Variants in COL5A1 observed in about 807,000 individuals in gnomAD.
COL5A1 encodes collagen alpha-1(V) chain.
A neutral mutation model predicts 263.7 loss-of-function variants in COL5A1; 16 were observed. That is an observed-to-expected ratio of 0.06 (90% CI 0.04 to 0.09). The LOEUF (loss-of-function observed/expected upper bound fraction) is 0.09. Among genes scored for constraint, COL5A1 ranks in the 10% least tolerant of loss-of-function variants. COL5A1 has a pLI of 1.00. For synonymous variants in COL5A1, 1,012 were observed against 1,004.5 expected (o/e 1.01, Z -0.14); for missense variants, 2,036 against 2,540.5 (o/e 0.80, Z 4.27).
intron 2 of COL5A1, 39 bp downstream of exon 2, chr9:134,691,118 G>A (rs373765707): frequency 2.2e-5 from 35 of 1,609,978 alleles, no homozygotes; most frequent in South Asian, 9.9e-5. Context: ...GGTGGGTCCC[G>A]TTGGCCCTCT....
intron 1 of COL5A1, among the ~76,000 whole-genome samples, chr9:134,668,954 C>CCATCCATCCAT (rs1554776453): frequency 9.1e-6 from 1 of 110,396 alleles, no homozygotes; most frequent in Non-Finnish European, 1.8e-5. Flanking sequence ...CACCCACCCA[C>CCATCCATCCAT]CCATCCATCC....
chr9:134,661,140 C>T (rs897631252), intron 1 of COL5A1, among the ~76,000 whole-genome samples: 1 of 150,878 alleles, frequency 6.6e-6, no homozygotes, highest in Non-Finnish European at 1.5e-5. Context: ...GGAGAGGAAG[C>T]CGAGAGTTGC....
At chr9:134,744,611 GCACA>G (rs994514901) in intron 11 of COL5A1, among the ~76,000 whole-genome samples, 25 of 142,064 alleles carry the variant, frequency 1.8e-4, no homozygotes, top group African/African-American at 6.7e-4. Context: ...ACCCACACCT[GCACA>G]CACACTCATG....
rs1019279751 is a variant in COL5A1 at position 134,716,022 on chromosome 9, T to C, written c.655-11244T>C. Among the ~76,000 whole-genome samples the C allele has an allele frequency of 1.3e-5, 2 of 151,660 alleles. No homozygotes were observed. Among genetic ancestry groups the C allele is most frequent in the Non-Finnish European group, 2.9e-5 (2 of 67,902 alleles). Reference sequence around the variant, plus strand: ...GGTGGTGGTGATGATGTTAGTAGTGTGTTGGTTCTATGGTTTTGGTGCTGG... The same window carrying C: ...GGTGGTGGTGATGATGTTAGTAGTGCGTTGGTTCTATGGTTTTGGTGCTGG... On this transcript the variant is annotated intron_variant, in intron 4 of 65. Transcript: ENST00000371817. The surrounding 1 kb of genome is among the most constrained non-coding windows in gnomAD (Gnocchi z 4.5).
At position 134,695,839 on chromosome 9, in the gene COL5A1, T is replaced by G. The variant is rs1156958774; in HGVS notation, c.278-4070T>G. Among the ~76,000 whole-genome samples the G allele has an allele frequency of 2.0e-5, 3 of 152,298 alleles. No homozygotes were observed. In the East Asian group the frequency reaches 5.8e-4, roughly 29 times the overall value. On this transcript the variant is annotated intron_variant, in intron 2 of 65. Transcript: ENST00000371817. ...GAAGGTTCCAGAACCAAGTTATCCC[T>G]GCAGGGGCTGCCAGATGGCAGCTTC... is the stretch of plus-strand genomic sequence containing the variant.
rs574639097 is a variant in COL5A1, at chr9:134,842,411, C to T, written c.*108C>T. On this transcript the variant is annotated 3_prime_UTR_variant, in exon 66 of 66. Coordinates refer to ENST00000371817, the MANE Select transcript of COL5A1 (RefSeq NM_000093.5). This position sits in a 1 kb window ranked among gnomAD's most constrained non-coding sequence, Gnocchi z 5.8. ...CCCTGGACAGTGAAGGCTTCTCCCT[C>T]CCCTCCCACCTGACTTCATCTACGC... 1.1e-5 allele frequency: 15 copies of T among 1,343,542 alleles called. No homozygotes were observed. In the East Asian group the frequency reaches 2.5e-4, roughly 22 times the overall value. 83.2% of individuals were successfully genotyped at this position (1,343,542 alleles called of 1,614,324 possible). A position where few individuals can be genotyped will look rare whatever the true frequency, so the allele number is the denominator to read the frequency against.
intron 4 of COL5A1, among the ~76,000 whole-genome samples, chr9:134,710,083 C>T (rs1044266508): frequency 6.6e-6 from 1 of 152,244 alleles, no homozygotes; most frequent in Non-Finnish European, 1.5e-5. Context: ...AGTCAAGCCC[C>T]AGCCCTCCGC....
rs1029437829 is a variant in COL5A1, at chr9:134,798,605, G to A, written c.2952+144G>A. 4.5e-5 allele frequency: 10 copies of A among 222,362 alleles called. No individual in the cohort carries two copies. The African/African-American group carries it at 4.6e-4, about 10-fold the overall frequency. 13.8% of individuals were successfully genotyped at this position (222,362 alleles called of 1,614,324 possible). On this transcript the variant is annotated intron_variant, in intron 37 of 65. Transcript: ENST00000371817. ...GGCCTCAGAAAGGCTCCCAAGGGCC[G>A]GGCCGGCTTCCGCTGACTCAGAGCC...
rs1382944823 is a variant in COL5A1 at position 134,701,308 on chromosome 9, G to A, written c.629G>A (p.Arg210Gln). 1.5e-5 allele frequency: 24 copies of A among 1,613,860 alleles called. No individual in the cohort carries two copies. The highest frequency in any genetic ancestry group is 1.9e-5 in the Non-Finnish European group (23 of 1,179,988). ...AATGGCATCATCGTGTTTGGCACCC[G>A]GATCCTGGATGAGGAGGTGTTTGAG... ...DINGIIVFGT[R>Q]ILDEEVFEGD... Residue 210 changes from arginine to glutamine, a missense_variant, in exon 4 of 66, where the codon CGG becomes CAG. By Grantham distance (43) the Arg-to-Gln change is conservative. This residue lies in a region of COL5A1 where 600 missense variants were observed against 634.5 expected (regional missense o/e 0.95). Transcript: ENST00000371817.
At chr9:134,778,219 A>G (rs1047106682) in intron 27 of COL5A1, among the ~76,000 whole-genome samples, 3 of 152,158 alleles carry the variant, frequency 2.0e-5, no homozygotes, top group Non-Finnish European at 4.4e-5. Flanking sequence ...CTTTGGAAGA[A>G]GGCATCTGCT....
rs946520353 is a variant in COL5A1 at position 134,800,628 on chromosome 9, C to T, written c.2953-1326C>T. Among the ~76,000 whole-genome samples the T allele has an allele frequency of 3.9e-5, 6 of 152,060 alleles. No homozygotes were observed. In the South Asian group the frequency reaches 1.2e-3, roughly 32 times the overall value. On this transcript the variant is annotated intron_variant, in intron 37 of 65. Transcript: ENST00000371817. ...GGCATGGTGGCAGGCACCTGTAATC[C>T]CAGCTACTCAGGAGGCTGAGGCAGG...
chr9:134,749,419 A>G lies in COL5A1; in HGVS notation c.1495-1123A>G, dbSNP rs183871421. On this transcript the variant is annotated intron_variant, in intron 11 of 65. Transcript: ENST00000371817. Reference sequence around the variant, plus strand: ...ACTGTATAAATGTGTACCTTAAGCCATTTCACAAGAAATGGAGTTACTTCT... The same window carrying G: ...ACTGTATAAATGTGTACCTTAAGCCGTTTCACAAGAAATGGAGTTACTTCT... 1.7e-3 allele frequency among the ~76,000 whole-genome samples: 262 copies of G among 152,352 alleles called. 2 individuals carry two copies. Among genetic ancestry groups the G allele is most frequent in the Admixed American group, 0.015 (227 of 15,302 alleles).
At chr9:134,744,752 C>T (rs1053936035) in intron 11 of COL5A1, among the ~76,000 whole-genome samples, 8 of 152,224 alleles carry the variant, frequency 5.3e-5, no homozygotes, top group South Asian at 2.1e-4. Context: ...CCTGCACACA[C>T]ATTCATGCAC....
intron 9 of COL5A1, 61 bp from the exon 10 acceptor site, chr9:134,738,413 G>C: frequency 1.3e-6 from 2 of 1,587,752 alleles, no homozygotes; most frequent in Non-Finnish European, 1.7e-6. Context: ...CACACCACTG[G>C]GGTCTGGGGT....
At chr9:134,756,920 T>C (rs1835996959) in intron 17 of COL5A1, 102 bp downstream of exon 17, 1 of 1,146,738 alleles carries the variant, frequency 8.7e-7, no homozygotes. Flanking sequence ...ACTACGATTA[T>C]GATGACAGGT....
chr9:134,731,813 C>A, intron 8 of COL5A1, 150 bp downstream of exon 8: 1 of 942,430 alleles, frequency 1.1e-6, no homozygotes, highest in Non-Finnish European at 1.6e-6. Flanking sequence ...TTAAAGAGAC[C>A]TCGGTGCCTC....
intron 7 of COL5A1, 120 bp from the exon 8 acceptor site, chr9:134,731,376 G>A: frequency 1.9e-6 from 2 of 1,039,624 alleles, no homozygotes; most frequent in Non-Finnish European, 2.9e-6. Flanking sequence ...CACAGGGCCT[G>A]ATGGATCTGG....
chr9:134,708,174 C>T (rs940235410), intron 4 of COL5A1, among the ~76,000 whole-genome samples: 3 of 152,310 alleles, frequency 2.0e-5, no homozygotes, highest in South Asian at 2.1e-4. Flanking sequence ...ACTCTGACTT[C>T]GGACATGAGA....
intron 59 of COL5A1, 34 bp downstream of exon 59, chr9:134,822,184 G>A (rs762654850): frequency 7.2e-7 from 1 of 1,386,884 alleles, no homozygotes; most frequent in Non-Finnish European, 1.0e-6. Context: ...TCATTCCTGG[G>A]AGGGCAGGGA....
Sources: gnomAD v4.1 joint callset for allele counts (sites outside exome capture counted in the v4.1 genomes callset) on GRCh38, gnomAD v4.1.1 for gene constraint, gnomAD v4.1.1 regional missense constraint, Gnocchi (gnomAD v3.1) non-coding constraint, MANE v1.5 for transcripts, NCBI Gene and HGNC (gene_info 2026-07-23, HGNC 2026-07-21) for gene names.